CNTN5: variants seen among roughly 807,000 people sequenced by gnomAD.
The protein encoded by CNTN5 is contactin-5.
CNTN5 carries 77 observed loss-of-function variants against 129.1 expected under a neutral mutation model. The ratio of observed to expected loss-of-function variants is 0.60; its 90% CI spans 0.50 to 0.72. The LOEUF is 0.72. Among genes scored for constraint, CNTN5 ranks in the 30% least tolerant of loss-of-function variants. The pLI is 0.00. For missense variants in CNTN5, 1,478 were observed against 1,328.8 expected (o/e 1.11, Z -1.75); for synonymous variants, 509 against 465.6 (o/e 1.09, Z -1.20).
At chr11:99,972,010 G>A (rs1420659654) in intron 8 of CNTN5, among the ~76,000 whole-genome samples, 1 of 149,314 alleles carries the variant, frequency 6.7e-6, no homozygotes, top group South Asian at 2.1e-4. Flanking sequence ...AGCACTTTGG[G>A]AGGCTGAGGC....
At chr11:99,960,297 T>C (rs1950907300) in intron 8 of CNTN5, among the ~76,000 whole-genome samples, 1 of 152,132 alleles carries the variant, frequency 6.6e-6, no homozygotes, top group South Asian at 2.1e-4. Context: ...GCTTTTTATG[T>C]CATGAAATGA....
chr11:100,064,665 G>A (rs1338663375), intron 10 of CNTN5, among the ~76,000 whole-genome samples: 1 of 151,960 alleles, frequency 6.6e-6, no homozygotes, highest in East Asian at 1.9e-4. Context: ...GGCTATTTCT[G>A]TCCCCTCTAG....
chr11:99,926,351 G>A (rs1950062624), intron 7 of CNTN5, among the ~76,000 whole-genome samples: 1 of 152,140 alleles, frequency 6.6e-6, no homozygotes, highest in Non-Finnish European at 1.5e-5. Context: ...AATCCTGACA[G>A]TTAAGTGAAA....
chr11:100,087,456 G>C (rs1308978026), intron 13 of CNTN5, among the ~76,000 whole-genome samples: 1 of 151,624 alleles, frequency 6.6e-6, no homozygotes, highest in Non-Finnish European at 1.5e-5. Flanking sequence ...ATAGAAAAGA[G>C]GGAAAATAAC....
intron 13 of CNTN5, among the ~76,000 whole-genome samples, chr11:100,154,193 A>G (rs1349198356): frequency 6.6e-6 from 1 of 152,124 alleles, no homozygotes; most frequent in Non-Finnish European, 1.5e-5. Context: ...TAATGAGGAC[A>G]TGCAGTGTTT....
At chr11:99,825,671 A>T (rs2135581890) in intron 4 of CNTN5, among the ~76,000 whole-genome samples, 1 of 152,168 alleles carries the variant, frequency 6.6e-6, no homozygotes, top group South Asian at 2.1e-4. Context: ...GAAAGTGTAA[A>T]ATTTCTAGGT....
intron 2 of CNTN5, among the ~76,000 whole-genome samples, chr11:99,342,477 G>A (rs557635892): frequency 1.7e-4 from 24 of 144,296 alleles, no homozygotes; most frequent in African/African-American, 2.3e-4. Context: ...ACTCATGCCC[G>A]TAATCCCAAC....
intron 3 of CNTN5, among the ~76,000 whole-genome samples, chr11:99,580,245 A>T (rs1949526468): frequency 6.6e-6 from 1 of 152,152 alleles, no homozygotes; most frequent in Non-Finnish European, 1.5e-5. Context: ...TATTTTAGTG[A>T]GGATTTTTGC....
chr11:99,023,068 C>T (rs1258641856), intron 1 of CNTN5, among the ~76,000 whole-genome samples: 1 of 152,146 alleles, frequency 6.6e-6, no homozygotes, highest in African/African-American at 2.4e-5. Flanking sequence ...ATCCAAAAAG[C>T]TACAGTTGTG....
intron 4 of CNTN5, among the ~76,000 whole-genome samples, chr11:99,842,861 AT>A (rs1245493520): frequency 6.6e-6 from 1 of 152,148 alleles, no homozygotes; most frequent in Non-Finnish European, 1.5e-5. Flanking sequence ...AAAAGTTTTA[AT>A]TGACAGCAAT....
chr11:99,224,144 T>C (rs1439873597), intron 1 of CNTN5, among the ~76,000 whole-genome samples: 2 of 152,186 alleles, frequency 1.3e-5, no homozygotes, highest in African/African-American at 2.4e-5. Flanking sequence ...GATAATGTAA[T>C]AGAAATGTGA....
At chr11:100,155,691 TTCCTTGAGCAGTGGTTTGTAGTTC>T (rs546726143) in intron 13 of CNTN5, among the ~76,000 whole-genome samples, 293 of 152,282 alleles carry the variant, frequency 1.9e-3, no homozygotes, top group African/African-American at 6.4e-3. Flanking sequence ...CCTCTCTGAT[TTCCTTGAGCAGTGGTTTGTAGTTC>T]TCCTTGAGGT....
chr11:99,812,906 A>G (rs1334245214), intron 3 of CNTN5, among the ~76,000 whole-genome samples: 1 of 151,544 alleles, frequency 6.6e-6, no homozygotes, highest in East Asian at 1.9e-4. Context: ...TTTCTCCTTT[A>G]TGTTTATTAC....
chr11:100,321,190 T>C (rs746129512), intron 21 of CNTN5, among the ~76,000 whole-genome samples: 74 of 152,166 alleles, frequency 4.9e-4, no homozygotes, highest in Non-Finnish European at 8.7e-4. Flanking sequence ...GAACATAGGA[T>C]TTTTTTCCAT....
intron 1 of CNTN5, among the ~76,000 whole-genome samples, chr11:99,211,068 C>T (rs926641961): frequency 2.0e-5 from 3 of 152,024 alleles, no homozygotes; most frequent in Admixed American, 6.6e-5. Flanking sequence ...ATCACTGTCA[C>T]CTAAAGCTCT....
intron 6 of CNTN5, among the ~76,000 whole-genome samples, chr11:99,885,720 A>G (rs1455204320): frequency 6.6e-6 from 1 of 152,154 alleles, no homozygotes; most frequent in African/African-American, 2.4e-5. Flanking sequence ...ATCTCTAGAA[A>G]GTTTGGTGAG....
At chr11:99,186,873 T>C (rs1858381460) in intron 1 of CNTN5, among the ~76,000 whole-genome samples, 1 of 151,970 alleles carries the variant, frequency 6.6e-6, no homozygotes, top group Non-Finnish European at 1.5e-5. Flanking sequence ...TTGCCCTTGT[T>C]GATCTTCCTT....
At chr11:99,866,178 G>A (rs1591333934) in intron 6 of CNTN5, among the ~76,000 whole-genome samples, 1 of 152,046 alleles carries the variant, frequency 6.6e-6, no homozygotes, top group East Asian at 1.9e-4. Flanking sequence ...GTCACGAATG[G>A]TTTTGCTCTC....
In CNTN5 at chr11:100,080,203, G is replaced by A. The variant is rs148641175; in HGVS notation, c.1580+5909G>A. Among the ~76,000 whole-genome samples, 11 of 152,182 alleles carry A rather than the reference G, an allele frequency of 7.2e-5. No homozygotes were observed. In the East Asian group the frequency reaches 1.9e-3, roughly 27 times the overall value. On this transcript the variant is annotated intron_variant, in intron 13 of 24. Transcript: ENST00000524871. ...TATGCCCAGGCAGAGTAAGGTAACA[G>A]TTATGAAGATAATGGACTATAATTC... is the stretch of plus-strand genomic sequence containing the variant.
Sources: allele counts gnomAD v4.1 joint callset (sites outside exome capture counted in the v4.1 genomes callset), GRCh38; gene constraint gnomAD v4.1.1; transcripts MANE v1.5; gene names NCBI Gene and HGNC (gene_info 2026-07-23, HGNC 2026-07-21).